ANK2: variants seen among roughly 807,000 people sequenced by gnomAD.
The protein encoded by ANK2 is ankyrin-2.
ANK2 carries 83 observed loss-of-function variants against 360.5 expected under a neutral mutation model. The observed-to-expected ratio is 0.23, with a 90% CI of 0.19 to 0.28. ANK2 has a LOEUF of 0.28. Ranked by LOEUF, ANK2 falls within the 10% of genes least tolerant of loss-of-function variation. The probability of loss-of-function intolerance (pLI) is 1.00; values close to 1 mark genes in which losing one functional copy is unlikely to be tolerated. For missense variants in ANK2, 4,201 were observed against 4,795.7 expected (o/e 0.88, Z 3.66); for synonymous variants, 1,740 against 1,759.5 (o/e 0.99, Z 0.28).
chr4:112,779,155 A>AT, the ANK2 span, among the ~76,000 whole-genome samples: 2 of 152,230 alleles, frequency 1.3e-5, no homozygotes, highest in Admixed American at 6.5e-5. Context: ...GTCCTGGTAT[A>AT]TTTTTTAATG....
chr4:113,247,021 A>G (rs2043246372), intron 9 of ANK2, among the ~76,000 whole-genome samples: 1 of 108,308 alleles, frequency 9.2e-6, no homozygotes, highest in Non-Finnish European at 2.1e-5. Flanking sequence ...TGAAAGAATG[A>G]CCTAAGCAGA....
chr4:113,249,717 AT>A (rs750330363), intron 9 of ANK2, 46 bp from the exon 10 acceptor site: 34 of 1,578,698 alleles, frequency 2.2e-5, no homozygotes, highest in Non-Finnish European at 3.0e-5. Flanking sequence ...TGAAATATAG[AT>A]TTTTTTGAAG....
intron 2 of ANK2, among the ~76,000 whole-genome samples, chr4:113,023,408 C>T (rs552045722): frequency 1.4e-3 from 210 of 152,334 alleles, no homozygotes; most frequent in Middle Eastern, 3.4e-3. Context: ...TTGGCCTCCT[C>T]CATCTTTCTC....
chr4:113,109,033 A>T (rs2135353), intron 1 of ANK2, among the ~76,000 whole-genome samples: 29,610 of 152,052 alleles, frequency 0.19, 2,955 homozygotes, highest in Non-Finnish European at 0.22. Flanking sequence ...TGTTTCTGCC[A>T]TTCATTTGAT....
At chr4:113,263,964 A>C (rs920821321) in intron 13 of ANK2, among the ~76,000 whole-genome samples, 3 of 152,142 alleles carry the variant, frequency 2.0e-5, no homozygotes, top group African/African-American at 7.2e-5. Flanking sequence ...TTCATGCTAC[A>C]CCTAAAGCCA....
At chr4:112,711,887 A>G in the ANK2 span, among the ~76,000 whole-genome samples, 1 of 150,616 alleles carries the variant, frequency 6.6e-6, no homozygotes, top group South Asian at 2.1e-4. Flanking sequence ...AAAAAAGAAA[A>G]GCACAACAAA....
At chr4:113,121,883 T>C (rs2095385913) in intron 1 of ANK2, among the ~76,000 whole-genome samples, 1 of 152,170 alleles carries the variant, frequency 6.6e-6, no homozygotes. Flanking sequence ...ACATTCTTCT[T>C]GTTCATTTGC....
chr4:112,830,405 CA>C (rs2059454557), intron 1 of ANK2, among the ~76,000 whole-genome samples: 1 of 152,120 alleles, frequency 6.6e-6, no homozygotes, highest in Admixed American at 6.5e-5. Context: ...TAACAGGAAA[CA>C]AAATACCAGA....
At chr4:112,724,597 A>G in the ANK2 span, among the ~76,000 whole-genome samples, 1 of 144,668 alleles carries the variant, frequency 6.9e-6, no homozygotes, top group African/African-American at 2.5e-5. Flanking sequence ...ACACCACACC[A>G]TCCCATACCC....
chr4:113,266,838 T>C (rs1360902711), intron 14 of ANK2, among the ~76,000 whole-genome samples: 2 of 152,078 alleles, frequency 1.3e-5, no homozygotes, highest in African/African-American at 4.8e-5. Context: ...GATCGTGCCA[T>C]TGCACTCCAG....
At chr4:112,747,393 T>C in the ANK2 span, among the ~76,000 whole-genome samples, 1 of 152,238 alleles carries the variant, frequency 6.6e-6, no homozygotes, top group Admixed American at 6.5e-5. Context: ...ACTTTAAATG[T>C]AAAAATCACA....
chr4:112,950,878 C>A (rs1419844278), intron 2 of ANK2, among the ~76,000 whole-genome samples: 1 of 150,600 alleles, frequency 6.6e-6, no homozygotes, highest in African/African-American at 2.4e-5. Context: ...GTCAGGAGAT[C>A]GAGACCATCC....
At chr4:112,970,303 G>C (rs566624745) in intron 2 of ANK2, among the ~76,000 whole-genome samples, 1 of 151,782 alleles carries the variant, frequency 6.6e-6, no homozygotes, top group African/African-American at 2.4e-5. Flanking sequence ...ATATTTGTTT[G>C]GTGCTGTCAC....
At position 113,381,490 on chromosome 4, in the gene ANK2, G is replaced by C. The variant is rs779879367; in HGVS notation, c.*19G>C. 1 of 1,614,100 alleles carries C rather than the reference G, an allele frequency of 6.2e-7. No individual in the cohort carries two copies. Among genetic ancestry groups the C allele is most frequent in the African/African-American group, 1.3e-5 (1 of 75,038 alleles). ...TGAGTAAAGCCATCACACAGAAGAG[G>C]GCTGTGGTGAAGGACCAGCATGGAA... On this transcript the variant is annotated 3_prime_UTR_variant, in exon 46 of 46. Coordinates refer to ENST00000357077, the MANE Select transcript of ANK2 (RefSeq NM_001148.6).
chr4:112,719,705 C>G, the ANK2 span, among the ~76,000 whole-genome samples: 4 of 142,328 alleles, frequency 2.8e-5, no homozygotes, highest in South Asian at 8.9e-4. Flanking sequence ...CCAGCCTGGG[C>G]GACAGAGCGA....
intron 1 of ANK2, among the ~76,000 whole-genome samples, chr4:113,128,031 G>T (rs1395247061): frequency 6.6e-6 from 1 of 152,216 alleles, no homozygotes; most frequent in African/African-American, 2.4e-5. Context: ...GTGCAAGTCA[G>T]AAGGAAAGTA....
At chr4:112,928,050 G>C (rs1164146331) in intron 2 of ANK2, among the ~76,000 whole-genome samples, 1 of 152,028 alleles carries the variant, frequency 6.6e-6, no homozygotes, top group Non-Finnish European at 1.5e-5. Flanking sequence ...AAATAAAAAA[G>C]AAGTACACTT....
rs1585820600 is a variant in ANK2 at position 113,242,188 on chromosome 4, T to G, written c.870T>G (p.Gly290=). The G allele has an allele frequency of 1.2e-6, 2 of 1,613,864 alleles. No individual in the cohort carries two copies. Among genetic ancestry groups the G allele is most frequent in the Non-Finnish European group, 1.7e-6 (2 of 1,179,838 alleles). ...TGAAGCTCTTACTGGATCGAGGCGG[T>G]CAGATCGATGCCAAAACTAGGGTGA... The part of the protein sequence containing the change: ...NMVKLLLDRG[G]QIDAKTRDGL... Residue 290 remains glycine (G), a synonymous_variant, in exon 9 of 46, where the codon GGT becomes GGG. Coordinates refer to ENST00000357077, the MANE Select transcript of ANK2 (RefSeq NM_001148.6).
chr4:112,875,084 C>A (rs553217635), intron 1 of ANK2, among the ~76,000 whole-genome samples: 4 of 150,476 alleles, frequency 2.7e-5, no homozygotes. Context: ...GTTGCCCAGG[C>A]GATCTTGGCT....
Sources: gnomAD v4.1 joint callset for allele counts (sites outside exome capture counted in the v4.1 genomes callset) on GRCh38, gnomAD v4.1.1 for gene constraint, MANE v1.5 for transcripts, NCBI Gene and HGNC (gene_info 2026-07-23, HGNC 2026-07-21) for gene names.